The following ST8SIA4 variants were observed in gnomAD, a reference collection of about 807,000 sequenced individuals.
The protein encoded by ST8SIA4 is CMP-N-acetylneuraminate-poly-alpha-2,8-sialyltransferase.
In ST8SIA4, 15 loss-of-function variants were observed where a neutral mutation model predicts 33.9. The observed-to-expected ratio is 0.44, with a 90% confidence interval of 0.30 to 0.68. ST8SIA4 has a LOEUF of 0.68. Among genes scored for constraint, ST8SIA4 ranks in the 30% least tolerant of loss-of-function variants. ST8SIA4 has a pLI of 0.10. For missense variants in ST8SIA4, 321 were observed against 428.0 expected, an observed-to-expected ratio of 0.75 and a Z score of 2.21; for synonymous variants, 171 against 151.2, an observed-to-expected ratio of 1.13 and a Z score of -0.96.
intron 3 of ST8SIA4, among the ~76,000 whole-genome samples, chr5:100,872,911 G>C (rs906928661): frequency 1.3e-5 from 2 of 150,258 alleles, no homozygotes; most frequent in Non-Finnish European, 3.0e-5. Flanking sequence ...CATAGTGGGA[G>C]CTCCAGCGTG....
chr5:100,899,529 A>G (rs1409742429), intron 1 of ST8SIA4, among the ~76,000 whole-genome samples: 2 of 152,232 alleles, frequency 1.3e-5, no homozygotes, highest in African/African-American at 4.8e-5. Context: ...ATTATTTAGT[A>G]ATACAACCTA....
intron 3 of ST8SIA4, among the ~76,000 whole-genome samples, chr5:100,871,623 A>C (rs1197222503): frequency 6.6e-6 from 1 of 152,070 alleles, no homozygotes; most frequent in African/African-American, 2.4e-5. Flanking sequence ...ATCAGACAAT[A>C]ATAATTTGTG....
chr5:100,847,590 A>G (rs553929625), intron 4 of ST8SIA4, among the ~76,000 whole-genome samples: 10 of 152,252 alleles, frequency 6.6e-5, no homozygotes, highest in South Asian at 4.1e-4. Flanking sequence ...TAATGCTGAA[A>G]AAAAGTTGAT....
Position 100,851,122 on chromosome 5 carries a change from G to C in ST8SIA4, c.797+4981C>G, listed in dbSNP as rs375598395. 5.9e-5 allele frequency among the ~76,000 whole-genome samples: 9 copies of C among 151,620 alleles called. No homozygotes were observed. The East Asian group carries it at 1.7e-3, about 29-fold the overall frequency. On this transcript the variant is annotated intron_variant, in intron 4 of 4. Coordinates refer to ENST00000231461, the MANE Select transcript of ST8SIA4 (RefSeq NM_005668.6). ...TTACAGGCATGCGCCACCATGCCTG[G>C]CTAATTTTTGTATTTTTTATTAGAG... is the stretch of plus-strand genomic sequence containing the variant.
chr5:100,852,743 T>C (rs1236842881), intron 4 of ST8SIA4, among the ~76,000 whole-genome samples: 1 of 152,216 alleles, frequency 6.6e-6, no homozygotes, highest in Non-Finnish European at 1.5e-5. Context: ...TTGTGACTGA[T>C]GGTTTCATCT....
At chr5:100,853,989 GTGTGTGTGTGTGTGTGTGTGTA>G (rs375138924) in intron 4 of ST8SIA4, among the ~76,000 whole-genome samples, 92,246 of 150,700 alleles carry the variant, frequency 0.61, 28,608 homozygotes, top group South Asian at 0.75. Context: ...GTGTGTATGT[GTGTGTGTGTGTGTGTGTGTGTA>G]TGTTTAAGAT....
At chr5:100,840,000 A>C (rs1751438813) in intron 4 of ST8SIA4, among the ~76,000 whole-genome samples, 1 of 151,442 alleles carries the variant, frequency 6.6e-6, no homozygotes, top group African/African-American at 2.4e-5. Flanking sequence ...ATATATACAT[A>C]TATTTAAATA....
chr5:100,816,791 T>G (rs754450876), intron 4 of ST8SIA4, among the ~76,000 whole-genome samples: 1 of 152,156 alleles, frequency 6.6e-6, no homozygotes, highest in Non-Finnish European at 1.5e-5. Flanking sequence ...TTAAGGAGTC[T>G]CCTCTATTTC....
At chr5:100,821,241 A>G (rs539300245) in intron 4 of ST8SIA4, among the ~76,000 whole-genome samples, 2 of 151,438 alleles carry the variant, frequency 1.3e-5, no homozygotes, top group South Asian at 2.1e-4. Flanking sequence ...TCCTACAAAG[A>G]AAAAAAAAGC....
chr5:100,828,886 A>C (rs2112412170), intron 4 of ST8SIA4, among the ~76,000 whole-genome samples: 1 of 152,330 alleles, frequency 6.6e-6, no homozygotes, highest in Middle Eastern at 3.4e-3. Context: ...GAGACTGAGA[A>C]GAATTTTCAT....
chr5:100,901,336 C>G (rs1205432033), intron 1 of ST8SIA4, among the ~76,000 whole-genome samples: 1 of 152,220 alleles, frequency 6.6e-6, no homozygotes, highest in African/African-American at 2.4e-5. Flanking sequence ...TGGGATCAGG[C>G]TTATCCTCCT....
intron 3 of ST8SIA4, among the ~76,000 whole-genome samples, chr5:100,875,183 G>A (rs1345842547): frequency 6.6e-6 from 1 of 152,090 alleles, no homozygotes; most frequent in African/African-American, 2.4e-5. Flanking sequence ...GACCACCAGG[G>A]TTTTAGTCAG....
rs1750798264 is a variant in ST8SIA4 at position 100,810,737 on chromosome 5, T to C, written c.*1110A>G. On this transcript the variant is annotated 3_prime_UTR_variant, in exon 5 of 5. Transcript: ENST00000231461. ...TAATCTTTGGTACCAAAGATTTTTTTTTCCCGGCCTATTTTACCATCTCTG... is the reference window on the plus strand; with the variant it reads ...TAATCTTTGGTACCAAAGATTTTTTCTTCCCGGCCTATTTTACCATCTCTG... 1 of 152,622 alleles carries C rather than the reference T, an allele frequency of 6.6e-6. No individual in the cohort carries two copies. Among genetic ancestry groups the C allele is most frequent in the African/African-American group, 2.4e-5 (1 of 41,446 alleles). 9.5% of individuals were successfully genotyped at this position (152,622 alleles called of 1,614,324 possible).
chr5:100,903,270 G>T lies in ST8SIA4; in HGVS notation c.-315C>A, dbSNP rs1284117182. ...AGGTGGCGGCAGCTTCTGCAGCTGGGTTCGGGGGCGTCACTGGCCCTTCCC... is the reference window on the plus strand; with the variant it reads ...AGGTGGCGGCAGCTTCTGCAGCTGGTTTCGGGGGCGTCACTGGCCCTTCCC... On this transcript the variant is annotated 5_prime_UTR_variant, in exon 1 of 5. Coordinates refer to ENST00000231461, the MANE Select transcript of ST8SIA4 (RefSeq NM_005668.6). 2.8e-6 allele frequency: 1 copy of T among 350,886 alleles called. No individual in the cohort carries two copies. The highest frequency in any genetic ancestry group is 2.1e-5 in the African/African-American group (1 of 47,014). The allele number at this position is 350,886 out of a possible 1,614,324, so 21.7% of individuals were successfully genotyped here.
intron 3 of ST8SIA4, among the ~76,000 whole-genome samples, chr5:100,870,657 C>T (rs1752179103): frequency 6.6e-6 from 1 of 151,900 alleles, no homozygotes; most frequent in Non-Finnish European, 1.5e-5. Context: ...AAAATTTTTA[C>T]TTGTAGATAA....
chr5:100,832,691 A>G (rs1190393461), intron 4 of ST8SIA4, among the ~76,000 whole-genome samples: 2 of 152,078 alleles, frequency 1.3e-5, no homozygotes, highest in African/African-American at 4.8e-5. Flanking sequence ...AGGGTAACAA[A>G]TTAACCTCTA....
At chr5:100,863,212 A>G (rs902658272) in intron 3 of ST8SIA4, among the ~76,000 whole-genome samples, 9 of 152,250 alleles carry the variant, frequency 5.9e-5, no homozygotes, top group Non-Finnish European at 1.3e-4. Flanking sequence ...AAACAGACAT[A>G]GGAAAGAATG....
At chr5:100,873,802 A>G (rs985586330) in intron 3 of ST8SIA4, among the ~76,000 whole-genome samples, 1 of 152,162 alleles carries the variant, frequency 6.6e-6, no homozygotes, top group Non-Finnish European at 1.5e-5. Flanking sequence ...ACTCAAAATC[A>G]CTATTAGGAA....
chr5:100,846,517 T>C (rs1161241845), intron 4 of ST8SIA4, among the ~76,000 whole-genome samples: 1 of 151,830 alleles, frequency 6.6e-6, no homozygotes, highest in East Asian at 1.9e-4. Flanking sequence ...AAAAGGGAAA[T>C]ACATCCCTTG....
Sources: gnomAD v4.1 joint callset for allele counts (sites outside exome capture counted in the v4.1 genomes callset) on GRCh38, gnomAD v4.1.1 for gene constraint, MANE v1.5 for transcripts, NCBI Gene and HGNC (gene_info 2026-07-23, HGNC 2026-07-21) for gene names.